The following GALNTL6 variants were observed in gnomAD, a reference collection of about 807,000 sequenced individuals.
The protein encoded by GALNTL6 is polypeptide N-acetylgalactosaminyltransferase-like 6.
A neutral mutation model predicts 73.7 loss-of-function variants in GALNTL6; 46 were observed. The observed-to-expected ratio is 0.62, with a 90% confidence interval of 0.49 to 0.80. GALNTL6 has a LOEUF of 0.80. Among genes scored for constraint, GALNTL6 ranks in the 30% least tolerant of loss-of-function variants. The pLI is 0.00. For synonymous variants in GALNTL6, 259 were observed against 263.7 expected (o/e 0.98, Z 0.17); for missense variants, 604 against 755.0 (o/e 0.80, Z 2.34).
chr4:171,988,130 A>G (rs1048404468), intron 2 of GALNTL6, among the ~76,000 whole-genome samples: 1 of 152,172 alleles, frequency 6.6e-6, no homozygotes, highest in Non-Finnish European at 1.5e-5. Context: ...CGCAGACATG[A>G]GGGCTAGGCT....
At position 172,718,932 on chromosome 4, in the gene GALNTL6, A is replaced by G. The variant is rs964126967; in HGVS notation, c.554-90429A>G. On this transcript the variant is annotated intron_variant, in intron 5 of 12. Coordinates refer to ENST00000506823, the MANE Select transcript of GALNTL6 (RefSeq NM_001034845.3). The stretch of plus-strand genomic sequence containing the variant: ...ACACAATTAAGGCAATCACATATGC[A>G]AAGTGTTTGTAAAAACAACTCATTG... Among the ~76,000 whole-genome samples, 19 of 151,818 alleles carry G rather than the reference A, an allele frequency of 1.3e-4. No homozygotes were observed. The East Asian group carries it at 3.7e-3, about 29-fold the overall frequency.
chr4:172,011,713 C>T (rs1422180065), intron 2 of GALNTL6, among the ~76,000 whole-genome samples: 1 of 151,688 alleles, frequency 6.6e-6, no homozygotes, highest in Non-Finnish European at 1.5e-5. Flanking sequence ...CCCATGGTAC[C>T]TTTGTTAGAA....
chr4:171,901,128 C>A (rs371331203), intron 2 of GALNTL6, among the ~76,000 whole-genome samples: 1 of 152,138 alleles, frequency 6.6e-6, no homozygotes, highest in East Asian at 1.9e-4. Flanking sequence ...TAGCAGTGAT[C>A]ATACTAGGCC....
At chr4:171,848,831 A>G (rs567775157) in intron 2 of GALNTL6, among the ~76,000 whole-genome samples, 3 of 152,274 alleles carry the variant, frequency 2.0e-5, no homozygotes, top group African/African-American at 7.2e-5. Flanking sequence ...AAGCACTAAA[A>G]CTTTCTCCGT....
intron 5 of GALNTL6, among the ~76,000 whole-genome samples, chr4:172,782,928 T>C (rs1327581353): frequency 1.3e-5 from 2 of 152,122 alleles, no homozygotes; most frequent in African/African-American, 4.8e-5. Context: ...TTGTTATGCA[T>C]GGTCTAGAAA....
intron 8 of GALNTL6, among the ~76,000 whole-genome samples, chr4:172,930,958 C>T (rs898125001): frequency 2.6e-5 from 4 of 152,160 alleles, no homozygotes; most frequent in African/African-American, 9.7e-5. Flanking sequence ...AACCACTGCA[C>T]TCAGCTGTAT....
intron 2 of GALNTL6, among the ~76,000 whole-genome samples, chr4:172,099,260 G>A (rs1465919408): frequency 6.6e-6 from 1 of 152,114 alleles, no homozygotes; most frequent in East Asian, 1.9e-4. Context: ...TAATGGTCAG[G>A]GGAATGGGTG....
intron 2 of GALNTL6, among the ~76,000 whole-genome samples, chr4:172,128,630 T>G (rs1733370127): frequency 6.6e-6 from 1 of 152,240 alleles, no homozygotes; most frequent in Non-Finnish European, 1.5e-5. Context: ...TTTTTTCCTC[T>G]GTTTTGAGTT....
At chr4:172,728,228 T>G (rs1020638730) in intron 5 of GALNTL6, among the ~76,000 whole-genome samples, 2 of 152,206 alleles carry the variant, frequency 1.3e-5, no homozygotes, top group Non-Finnish European at 2.9e-5. Context: ...TACAATTCAG[T>G]GGTAATAAAT....
intron 2 of GALNTL6, among the ~76,000 whole-genome samples, chr4:172,005,626 A>T (rs1055460468): frequency 1.3e-5 from 2 of 152,132 alleles, no homozygotes; most frequent in Admixed American, 6.6e-5. Context: ...GTATATATTT[A>T]CACACACCTA....
intron 8 of GALNTL6, among the ~76,000 whole-genome samples, chr4:172,912,413 A>G (rs1225088172): frequency 6.6e-6 from 1 of 152,236 alleles, no homozygotes. Context: ...AAAGCAGGGC[A>G]GGACATCACC....
At chr4:172,897,735 G>C (rs947760259) in intron 8 of GALNTL6, among the ~76,000 whole-genome samples, 3 of 152,174 alleles carry the variant, frequency 2.0e-5, no homozygotes, top group African/African-American at 7.2e-5. Flanking sequence ...CCTGAATGTT[G>C]AGGCTTCTTC....
At chr4:171,869,833 C>T (rs900182547) in intron 2 of GALNTL6, among the ~76,000 whole-genome samples, 1 of 152,084 alleles carries the variant, frequency 6.6e-6, no homozygotes, top group African/African-American at 2.4e-5. Context: ...TCCCCTTCTG[C>T]TTGGCTCATT....
chr4:171,901,615 G>A lies in GALNTL6; in HGVS notation c.138+86897G>A, dbSNP rs193010960. ...TCTTTATTTTTCTACCTGCTAGAAT[G>A]GGAGGAGAACAGAATAAACAGACAG... On this transcript the variant is annotated intron_variant, in intron 2 of 12. Coordinates refer to ENST00000506823, the MANE Select transcript of GALNTL6 (RefSeq NM_001034845.3). Among the ~76,000 whole-genome samples, 590 of 152,328 alleles carry A rather than the reference G, an allele frequency of 3.9e-3. 8 individuals are homozygous for A. The highest frequency in any genetic ancestry group is 6.1e-3 in the Non-Finnish European group (416 of 68,038).
chr4:172,812,313 G>A (rs1227322775), intron 6 of GALNTL6, among the ~76,000 whole-genome samples: 10 of 152,058 alleles, frequency 6.6e-5, no homozygotes, highest in Non-Finnish European at 1.3e-4. Flanking sequence ...ACAATCTCTG[G>A]GGAAACAAAA....
chr4:171,913,612 G>A (rs1313966940), intron 2 of GALNTL6, among the ~76,000 whole-genome samples: 1 of 151,976 alleles, frequency 6.6e-6, no homozygotes, highest in African/African-American at 2.4e-5. Flanking sequence ...CAGAAAAAAG[G>A]GTAAAAACTG....
At chr4:172,245,578 C>T (rs1428166654) in intron 3 of GALNTL6, among the ~76,000 whole-genome samples, 1 of 152,098 alleles carries the variant, frequency 6.6e-6, no homozygotes, top group Non-Finnish European at 1.5e-5. Flanking sequence ...GAGAGTCTCC[C>T]ATGATTTGAG....
At chr4:171,880,524 G>T (rs1240818186) in intron 2 of GALNTL6, among the ~76,000 whole-genome samples, 1 of 152,190 alleles carries the variant, frequency 6.6e-6, no homozygotes, top group Non-Finnish European at 1.5e-5. Context: ...AAAGGGTAGG[G>T]AAGCCAATTA....
At chr4:172,170,762 C>G (rs1027150373) in intron 2 of GALNTL6, among the ~76,000 whole-genome samples, 1 of 152,042 alleles carries the variant, frequency 6.6e-6, no homozygotes, top group Non-Finnish European at 1.5e-5. Context: ...GATCTGTCCA[C>G]CTTGGTCTTC....
Sources: allele counts gnomAD v4.1 joint callset (sites outside exome capture counted in the v4.1 genomes callset), GRCh38; gene constraint gnomAD v4.1.1; transcripts MANE v1.5; gene names NCBI Gene and HGNC (gene_info 2026-07-23, HGNC 2026-07-21).